Variants in TNFSF15 observed in about 807,000 individuals in gnomAD.
The protein encoded by TNFSF15 is TNF superfamily member 15.
A neutral mutation model predicts 26.4 loss-of-function variants in TNFSF15; 15 were observed. The ratio of observed to expected loss-of-function variants is 0.57; its 90% CI spans 0.38 to 0.87. The LOEUF is 0.87. Ranked by LOEUF, TNFSF15 falls within the 40% of genes least tolerant of loss-of-function variation. The probability of loss-of-function intolerance (pLI) is 0.00; values close to 1 mark genes in which losing one functional copy is unlikely to be tolerated. For synonymous variants in TNFSF15, 116 were observed against 115.0 expected (o/e 1.01, Z -0.06); for missense variants, 290 against 306.1 (o/e 0.95, Z 0.39).
At chr9:114,793,398 C>G in intron 2 of TNFSF15, 128 bp downstream of exon 2, 1 of 1,107,148 alleles carries the variant, frequency 9.0e-7, no homozygotes, top group Non-Finnish European at 1.3e-6. Context: ...CTCATTTCTC[C>G]TCTGGATTTG....
chr9:114,800,902 A>G (rs532867547), intron 1 of TNFSF15, among the ~76,000 whole-genome samples: 3 of 152,178 alleles, frequency 2.0e-5, no homozygotes, highest in Non-Finnish European at 4.4e-5. Flanking sequence ...ACAAGACCCT[A>G]TTGGTCTGAT....
intron 3 of TNFSF15, chr9:114,792,073 A>C: frequency 3.7e-6 from 1 of 270,808 alleles, no homozygotes; most frequent in South Asian, 1.2e-4. Flanking sequence ...ACAGGGAAGA[A>C]GACATCCAAA....
chr9:114,794,396 T>C (rs1829649595), intron 1 of TNFSF15, among the ~76,000 whole-genome samples: 1 of 152,214 alleles, frequency 6.6e-6, no homozygotes, highest in Admixed American at 6.5e-5. Flanking sequence ...ATATCATGCA[T>C]TGGACTATTA....
chr9:114,805,814 C>A lies in TNFSF15; in HGVS notation c.199G>T (p.Val67Leu), dbSNP rs537486487. The change falls in exon 1 of 4, where the codon GTG becomes TTG. Residue 67 changes from valine (V) to leucine (L), a missense_variant. This residue lies in a region of TNFSF15 where 179 missense variants were observed against 165.9 expected (regional missense o/e 1.08). Coordinates refer to ENST00000374045, the MANE Select transcript of TNFSF15 (RefSeq NM_005118.4). The stretch of plus-strand genomic sequence containing the variant: ...GCCATGTGGCTTACCTGGAACTGCA[C>A]ACAGGCCTCTCCCTGGGCCCGGAGC... ...SQLRAQGEAC[V>L]QFQALKGQEF... The A allele has an allele frequency of 3.1e-5, 50 of 1,613,190 alleles. 1 individual carries two copies. In the South Asian group the frequency reaches 5.4e-4, roughly 17 times the overall value.
At chr9:114,800,597 A>G (rs1485421978) in intron 1 of TNFSF15, among the ~76,000 whole-genome samples, 1 of 152,172 alleles carries the variant, frequency 6.6e-6, no homozygotes, top group Admixed American at 6.5e-5. Flanking sequence ...CCTCAGCTTC[A>G]TCATCTCTAA....
Position 114,785,333 on chromosome 9 carries a change from A to G in TNFSF15, c.*5119T>C, listed in dbSNP as rs562251323. The G allele has an allele frequency of 6.6e-6, 1 of 152,340 alleles. No homozygotes were observed. The highest frequency in any genetic ancestry group is 6.5e-5 in the Admixed American group (1 of 15,312). 9.4% of individuals were successfully genotyped at this position (152,340 alleles called of 1,614,324 possible). A position where few individuals can be genotyped will look rare whatever the true frequency, so the allele number is the denominator to read the frequency against. On this transcript the variant is annotated 3_prime_UTR_variant, in exon 4 of 4. Coordinates refer to ENST00000374045, the MANE Select transcript of TNFSF15 (RefSeq NM_005118.4). ...ATACTGTCATTTCTAAAATTCCATG[A>G]CATTTCTCTATTGGCCAAGATCTTA...
intron 1 of TNFSF15, among the ~76,000 whole-genome samples, chr9:114,800,328 C>T (rs74499864): frequency 0.022 from 3,293 of 152,196 alleles, 135 homozygotes; most frequent in African/African-American, 0.075. Flanking sequence ...CCAGAAAACA[C>T]TTAGTGAGTG....
chr9:114,802,404 C>T (rs1044918801), intron 1 of TNFSF15, among the ~76,000 whole-genome samples: 1 of 152,114 alleles, frequency 6.6e-6, no homozygotes, highest in Non-Finnish European at 1.5e-5. Flanking sequence ...AGGCGCGCGC[C>T]ACCACGCCCA....
chr9:114,797,068 T>C (rs55784387), intron 1 of TNFSF15, among the ~76,000 whole-genome samples: 29 of 152,326 alleles, frequency 1.9e-4, no homozygotes, highest in Middle Eastern at 3.4e-3. Context: ...CATCCTCTGG[T>C]GTAGGAAAGG....
At chr9:114,797,193 T>G (rs1430326975) in intron 1 of TNFSF15, among the ~76,000 whole-genome samples, 1 of 152,242 alleles carries the variant, frequency 6.6e-6, no homozygotes, top group Non-Finnish European at 1.5e-5. Context: ...ACATTCCTCT[T>G]TGACTCAGAA....
chr9:114,791,242 G>T (rs1048147237), intron 3 of TNFSF15: 2 of 443,950 alleles, frequency 4.5e-6, no homozygotes, highest in African/African-American at 2.0e-5. Context: ...TAGGAAAATG[G>T]CTTGCTGCAA....
chr9:114,785,378 ACT>A lies in TNFSF15; in HGVS notation c.*5072_*5073del, dbSNP rs1359266086. ...ATCTTAGGGGTATTTTGTGTTGGAC[ACT>A]CTCTGGACAAATGGGAAATGACAGC... On this transcript the variant is annotated 3_prime_UTR_variant, in exon 4 of 4. Transcript: ENST00000374045. The A allele has an allele frequency of 1.3e-5, 2 of 152,108 alleles. No individual in the cohort carries two copies. Among genetic ancestry groups the A allele is most frequent in the African/African-American group, 4.8e-5 (2 of 41,406 alleles). The allele number at this position is 152,108 out of a possible 1,614,324, so 9.4% of individuals were successfully genotyped here. A position where few individuals can be genotyped will look rare whatever the true frequency, so the allele number is the denominator to read the frequency against.
intron 1 of TNFSF15, among the ~76,000 whole-genome samples, chr9:114,794,826 G>A (rs1280682539): frequency 1.3e-5 from 2 of 152,106 alleles, no homozygotes; most frequent in Non-Finnish European, 2.9e-5. Context: ...TAAAAGAGTC[G>A]GTCTCATGCG....
chr9:114,792,609 T>A, intron 2 of TNFSF15, 155 bp from the exon 3 acceptor site: 1 of 1,497,470 alleles, frequency 6.7e-7, no homozygotes, highest in East Asian at 2.5e-5. Flanking sequence ...TGGATTGGAA[T>A]GTGGCACCCG....
chr9:114,794,738 C>G (rs1303520028), intron 1 of TNFSF15, among the ~76,000 whole-genome samples: 1 of 152,134 alleles, frequency 6.6e-6, no homozygotes, highest in African/African-American at 2.4e-5. Flanking sequence ...ATGGATAGAA[C>G]TGGAGGTCAT....
intron 1 of TNFSF15, among the ~76,000 whole-genome samples, chr9:114,805,348 A>G (rs1043649887): frequency 3.3e-5 from 5 of 152,192 alleles, no homozygotes; most frequent in Admixed American, 2.0e-4. Flanking sequence ...AATCCGTTTT[A>G]TATCTGGCAT....
chr9:114,803,605 C>G (rs1039109100), intron 1 of TNFSF15, among the ~76,000 whole-genome samples: 1 of 152,220 alleles, frequency 6.6e-6, no homozygotes, highest in Admixed American at 6.5e-5. Flanking sequence ...AAGCTGACTC[C>G]TGGCTCAGTT....
chr9:114,793,627 C>G lies in TNFSF15; in HGVS notation c.211-59G>C, dbSNP rs1829638397. On this transcript the variant is annotated intron_variant, in intron 1 of 3. Coordinates refer to ENST00000374045, the MANE Select transcript of TNFSF15 (RefSeq NM_005118.4). ...GTGGTCCTTTTGATCCCAACACTTA[C>G]AGCTTCCCATAGCACAGGTATGATT... is the stretch of plus-strand genomic sequence containing the variant. 8 of 1,522,078 alleles carry G rather than the reference C, an allele frequency of 5.3e-6. No homozygotes were observed. In the South Asian group the frequency reaches 6.7e-5, roughly 13 times the overall value. 94.3% of individuals were successfully genotyped at this position (1,522,078 alleles called of 1,614,324 possible).
At chr9:114,796,982 C>A (rs1829680507) in intron 1 of TNFSF15, among the ~76,000 whole-genome samples, 1 of 152,146 alleles carries the variant, frequency 6.6e-6, no homozygotes, top group Non-Finnish European at 1.5e-5. Flanking sequence ...ATTGACAGAG[C>A]TGAAGGAATT....
Sources: allele counts gnomAD v4.1 joint callset (sites outside exome capture counted in the v4.1 genomes callset), GRCh38; gene constraint gnomAD v4.1.1; regional missense constraint gnomAD v4.1.1; transcripts MANE v1.5; gene names NCBI Gene and HGNC (gene_info 2026-07-23, HGNC 2026-07-21).